SPECC1: variants seen among roughly 807,000 people sequenced by gnomAD.
The protein encoded by SPECC1 is cytospin-B.
A neutral mutation model predicts 104.1 loss-of-function variants in SPECC1; 62 were observed. The ratio of observed to expected loss-of-function variants is 0.60; its 90% CI spans 0.49 to 0.74. The LOEUF (loss-of-function observed/expected upper bound fraction) is 0.74, where lower values mean the gene tolerates loss of function less well. Among genes scored for constraint, SPECC1 ranks in the 30% least tolerant of loss-of-function variants. The pLI is 0.00. For missense variants in SPECC1, 1,306 were observed against 1,310.5 expected, an observed-to-expected ratio of 1.00 and a Z score of 0.05; for synonymous variants, 513 against 501.6, an observed-to-expected ratio of 1.02 and a Z score of -0.30.
At chr17:20,011,503 T>TG (rs1409908343) in intron 1 of SPECC1, among the ~76,000 whole-genome samples, 11 of 152,156 alleles carry the variant, frequency 7.2e-5, no homozygotes, top group African/African-American at 2.4e-4. Context: ...GTACTTTTTT[T>TG]GGTACCTTTT....
intron 3 of SPECC1, among the ~76,000 whole-genome samples, chr17:20,202,835 T>C (rs907256173): frequency 6.6e-6 from 1 of 152,202 alleles, no homozygotes; most frequent in Non-Finnish European, 1.5e-5. Flanking sequence ...ATATTAAAAG[T>C]CTATGATATA....
Position 20,109,958 on chromosome 17 carries a change from A to T in SPECC1, c.148-469A>T, listed in dbSNP as rs147656391. On this transcript the variant is annotated intron_variant, in intron 2 of 14. Transcript: ENST00000395527. ...ACTGCAACCTTGAACTTCTGGGCTC[A>T]AGCAATCCTCTCACCTCAGCCTCCT... is the stretch of plus-strand genomic sequence containing the variant. Among the ~76,000 whole-genome samples the T allele has an allele frequency of 4.6e-3, 696 of 152,242 alleles. 3 individuals carry two copies. Among genetic ancestry groups the T allele is most frequent in the African/African-American group, 0.013 (522 of 41,544 alleles).
chr17:20,136,486 C>G (rs1399257988), intron 3 of SPECC1, among the ~76,000 whole-genome samples: 1 of 150,456 alleles, frequency 6.6e-6, no homozygotes, highest in Non-Finnish European at 1.5e-5. Context: ...TAAACATTTT[C>G]TAAGTTTTAT....
intron 3 of SPECC1, among the ~76,000 whole-genome samples, chr17:20,160,435 A>G (rs542627361): frequency 1.8e-4 from 28 of 152,258 alleles, no homozygotes; most frequent in Middle Eastern, 3.4e-3. Flanking sequence ...GGCCAGACTC[A>G]GTCACAGAGA....
chr17:20,305,910 C>A, intron 13 of SPECC1, 113 bp from the exon 14 acceptor site: 2 of 887,178 alleles, frequency 2.3e-6, no homozygotes, highest in Non-Finnish European at 3.4e-6. Flanking sequence ...ACTTACTATT[C>A]TTCGCTTTAT....
At chr17:20,032,229 A>G (rs72841998) in intron 1 of SPECC1, among the ~76,000 whole-genome samples, 7,440 of 152,132 alleles carry the variant, frequency 0.049, 247 homozygotes, top group Middle Eastern at 0.085. Flanking sequence ...CATTTTTACC[A>G]TGGTGTATCT....
chr17:20,217,728 C>A (rs1567952364), intron 4 of SPECC1, among the ~76,000 whole-genome samples: 1 of 152,224 alleles, frequency 6.6e-6, no homozygotes, highest in Non-Finnish European at 1.5e-5. Context: ...CTTCCAGGAT[C>A]TAAAATGCAT....
At chr17:20,112,458 C>T (rs1350659635) in intron 3 of SPECC1, 2 of 766,558 alleles carry the variant, frequency 2.6e-6, no homozygotes, top group Non-Finnish European at 4.9e-6. Context: ...CTGGCAACTT[C>T]AATCAAGTCA....
At chr17:20,313,614 G>A (rs577424415) in intron 14 of SPECC1, among the ~76,000 whole-genome samples, 1 of 152,244 alleles carries the variant, frequency 6.6e-6, no homozygotes. Context: ...TGTGCTGGGA[G>A]TCTGGGGAAT....
chr17:20,279,854 AGAG>A (rs1401827908), intron 12 of SPECC1, among the ~76,000 whole-genome samples: 4 of 152,274 alleles, frequency 2.6e-5, no homozygotes, highest in Non-Finnish European at 4.4e-5. Context: ...TGGGATATGG[AGAG>A]GAGAAGGTGG....
chr17:20,307,099 AAGAG>A (rs748514960), intron 14 of SPECC1, among the ~76,000 whole-genome samples: 39 of 152,364 alleles, frequency 2.6e-4, no homozygotes, highest in East Asian at 5.8e-4. Flanking sequence ...GATACAGCAG[AAGAG>A]AGAAATACTA....
At chr17:20,211,410 TG>T (rs2037139616) in intron 4 of SPECC1, among the ~76,000 whole-genome samples, 1 of 152,184 alleles carries the variant, frequency 6.6e-6, no homozygotes, top group Admixed American at 6.5e-5. Flanking sequence ...AGGAGGCCTG[TG>T]GAGGCTGTTG....
chr17:20,130,224 G>C (rs933043043), intron 3 of SPECC1, among the ~76,000 whole-genome samples: 1 of 152,108 alleles, frequency 6.6e-6, no homozygotes, highest in Non-Finnish European at 1.5e-5. Context: ...TGTTGGAAAG[G>C]GTATCCTTTC....
At chr17:20,225,771 C>G (rs1180459814) in intron 4 of SPECC1, among the ~76,000 whole-genome samples, 2 of 152,282 alleles carry the variant, frequency 1.3e-5, no homozygotes, top group Admixed American at 1.3e-4. Context: ...TGCTTTCTTA[C>G]GTGGATAGCA....
intron 2 of SPECC1, among the ~76,000 whole-genome samples, chr17:20,107,760 A>G (rs892454473): frequency 6.6e-6 from 1 of 152,132 alleles, no homozygotes; most frequent in African/African-American, 2.4e-5. Context: ...TCCTGACCTC[A>G]GGTGATCTGC....
chr17:20,128,601 G>A (rs949810028), intron 3 of SPECC1, among the ~76,000 whole-genome samples: 1 of 152,158 alleles, frequency 6.6e-6, no homozygotes, highest in African/African-American at 2.4e-5. Context: ...AGGGATTTCA[G>A]ATGACCTGGT....
chr17:20,017,732 G>A (rs1373132352), intron 1 of SPECC1: 1 of 152,078 alleles, frequency 6.6e-6, no homozygotes, highest in Non-Finnish European at 1.5e-5. Flanking sequence ...TCTCTATCTG[G>A]TCTTCATCCT....
intron 1 of SPECC1, among the ~76,000 whole-genome samples, chr17:20,055,908 C>T (rs990461813): frequency 6.6e-6 from 1 of 152,212 alleles, no homozygotes; most frequent in South Asian, 2.1e-4. Context: ...GGAGCATGCA[C>T]CTTGGGAAGT....
intron 12 of SPECC1, among the ~76,000 whole-genome samples, chr17:20,267,359 T>TA (rs2040251230): frequency 6.6e-6 from 1 of 152,208 alleles, no homozygotes; most frequent in Non-Finnish European, 1.5e-5. Flanking sequence ...AGTTTTCTGT[T>TA]ACGATGGAGA....
Sources: allele counts gnomAD v4.1 joint callset (sites outside exome capture counted in the v4.1 genomes callset), GRCh38; gene constraint gnomAD v4.1.1; transcripts MANE v1.5; gene names NCBI Gene and HGNC (gene_info 2026-07-23, HGNC 2026-07-21).